The following PDE4B variants were observed in gnomAD, a reference collection of about 807,000 sequenced individuals.
The protein encoded by PDE4B is 3',5'-cyclic-AMP phosphodiesterase 4B.
PDE4B carries 20 observed loss-of-function variants against 82.2 expected under a neutral mutation model. The observed-to-expected ratio is 0.24, with a 90% CI of 0.17 to 0.35. PDE4B has a LOEUF of 0.35. Among genes scored for constraint, PDE4B ranks in the 10% least tolerant of loss-of-function variants. The pLI is 1.00. For missense variants in PDE4B, 655 were observed against 907.2 expected (o/e 0.72, Z 3.57); for synonymous variants, 320 against 318.9 (o/e 1.00, Z -0.04).
chr1:66,106,855 T>TGA (rs1343011647), intron 3 of PDE4B, among the ~76,000 whole-genome samples: 1 of 60,040 alleles, frequency 1.7e-5, no homozygotes, highest in African/African-American at 4.7e-5. Flanking sequence ...CTTGCTAGCA[T>TGA]TCTGTCAATT....
At chr1:66,137,911 T>C (rs1488971001) in intron 3 of PDE4B, among the ~76,000 whole-genome samples, 2 of 152,198 alleles carry the variant, frequency 1.3e-5, no homozygotes, top group African/African-American at 4.8e-5. Flanking sequence ...TGAGCACTTA[T>C]TATGTATCAG....
chr1:65,910,974 CT>C, intron 1 of PDE4B, among the ~76,000 whole-genome samples: 1 of 152,160 alleles, frequency 6.6e-6, no homozygotes, highest in African/African-American at 2.4e-5. Flanking sequence ...ACTTTTTTCC[CT>C]AAATATAAAA....
In PDE4B at chr1:65,834,610, C is replaced by T. The variant is rs2101311807; in HGVS notation, c.-71+41362C>T. On this transcript the variant is annotated intron_variant, in intron 1 of 16. Coordinates refer to ENST00000341517, the MANE Select transcript of PDE4B (RefSeq NM_002600.4). ...AATTTACACTAATGGTCAAATTAAC[C>T]CTTCATAGTCCCATGAGAGAAGTAT... 1.3e-5 allele frequency among the ~76,000 whole-genome samples: 2 copies of T among 152,200 alleles called. 1 individual carries two copies. The highest frequency in any genetic ancestry group is 4.1e-4 in the South Asian group (2 of 4,820).
intron 3 of PDE4B, among the ~76,000 whole-genome samples, chr1:66,038,066 G>T (rs760267303): frequency 6.6e-6 from 1 of 152,030 alleles, no homozygotes; most frequent in Non-Finnish European, 1.5e-5. Flanking sequence ...GTACAGGATA[G>T]GAGGGCATTA....
At chr1:65,966,510 C>G (rs1302901346) in intron 3 of PDE4B, among the ~76,000 whole-genome samples, 1 of 152,160 alleles carries the variant, frequency 6.6e-6, no homozygotes, top group Non-Finnish European at 1.5e-5. Context: ...TCCCATCAAG[C>G]TACCAGTGAC....
intron 7 of PDE4B, among the ~76,000 whole-genome samples, chr1:66,277,013 T>C (rs1249130322): frequency 6.6e-6 from 1 of 152,252 alleles, no homozygotes; most frequent in African/African-American, 2.4e-5. Flanking sequence ...ATCATTATCA[T>C]CATTATCATT....
chr1:66,056,465 A>C (rs1027531500), intron 3 of PDE4B, among the ~76,000 whole-genome samples: 1 of 148,196 alleles, frequency 6.7e-6, no homozygotes, highest in African/African-American at 2.5e-5. Flanking sequence ...AGGAAATTTT[A>C]TATCTATCTA....
intron 3 of PDE4B, among the ~76,000 whole-genome samples, chr1:66,188,720 A>G (rs186301274): frequency 2.0e-5 from 3 of 151,634 alleles, no homozygotes; most frequent in Non-Finnish European, 1.5e-5. Context: ...TTTTGAGCCT[A>G]TGTGTGTCTC....
At chr1:66,354,582 C>T in intron 8 of PDE4B, 1 of 1,293,334 alleles carries the variant, frequency 7.7e-7, no homozygotes, top group Non-Finnish European at 9.8e-7. Context: ...CAGGCTCTTG[C>T]TCCTTCGTGC....
chr1:66,066,537 A>G (rs1387195842), intron 3 of PDE4B, among the ~76,000 whole-genome samples: 2 of 152,042 alleles, frequency 1.3e-5, no homozygotes, highest in East Asian at 3.9e-4. Flanking sequence ...ATGTTAATGC[A>G]CATGTGACGT....
At chr1:65,922,440 A>G (rs1379925635) in intron 3 of PDE4B, among the ~76,000 whole-genome samples, 1 of 152,204 alleles carries the variant, frequency 6.6e-6, no homozygotes, top group East Asian at 1.9e-4. Flanking sequence ...TGGAAATATG[A>G]TGAAAGAGGA....
intron 7 of PDE4B, among the ~76,000 whole-genome samples, chr1:66,316,228 T>C (rs1258677524): frequency 6.6e-6 from 1 of 152,220 alleles, no homozygotes; most frequent in Non-Finnish European, 1.5e-5. Context: ...ACGAACTTTG[T>C]AGTGTAATCT....
At chr1:66,143,304 T>C (rs1450753163) in intron 3 of PDE4B, among the ~76,000 whole-genome samples, 3 of 152,174 alleles carry the variant, frequency 2.0e-5, no homozygotes, top group Non-Finnish European at 4.4e-5. Context: ...GGATGATTCA[T>C]TGAGTAGATA....
At chr1:66,084,003 C>T (rs1656875445) in intron 3 of PDE4B, among the ~76,000 whole-genome samples, 2 of 152,102 alleles carry the variant, frequency 1.3e-5, no homozygotes, top group South Asian at 2.1e-4. Context: ...ACATAATACA[C>T]GCTTGTTGAT....
chr1:65,810,833 C>A (rs1489214979), intron 1 of PDE4B, among the ~76,000 whole-genome samples: 2 of 152,040 alleles, frequency 1.3e-5, no homozygotes, highest in African/African-American at 4.8e-5. Context: ...AGTGCTACCC[C>A]CTTTTCATGC....
At chr1:66,162,305 CTTTTTTTTTTTTTT>C (rs1168144080) in intron 3 of PDE4B, among the ~76,000 whole-genome samples, 2 of 40,304 alleles carry the variant, frequency 5.0e-5, no homozygotes, top group East Asian at 8.8e-4. Flanking sequence ...ATGGACTTCT[CTTTTTTTTTTTTTT>C]TTTTTTTTTT....
chr1:66,328,255 A>G (rs1399281008), intron 7 of PDE4B, among the ~76,000 whole-genome samples: 1 of 152,242 alleles, frequency 6.6e-6, no homozygotes, highest in Non-Finnish European at 1.5e-5. Context: ...AAAGAGGGAA[A>G]GAAGAGAGCA....
intron 3 of PDE4B, among the ~76,000 whole-genome samples, chr1:66,226,533 G>A (rs1348762572): frequency 6.6e-6 from 1 of 152,182 alleles, no homozygotes; most frequent in Non-Finnish European, 1.5e-5. Flanking sequence ...ATAATATGAA[G>A]GAGCCACTTT....
At chr1:66,145,946 G>C (rs1409493440) in intron 3 of PDE4B, among the ~76,000 whole-genome samples, 2 of 152,158 alleles carry the variant, frequency 1.3e-5, no homozygotes, top group African/African-American at 4.8e-5. Flanking sequence ...TGTGTTTTGA[G>C]AATTGTGTGA....
Sources: allele counts gnomAD v4.1 joint callset (sites outside exome capture counted in the v4.1 genomes callset), GRCh38; gene constraint gnomAD v4.1.1; transcripts MANE v1.5; gene names NCBI Gene and HGNC (gene_info 2026-07-23, HGNC 2026-07-21).